The following TTLL5 variants were observed in gnomAD, a reference collection of about 807,000 sequenced individuals.
The protein encoded by TTLL5 is tubulin polyglutamylase TTLL5.
Under a neutral mutation model 168.4 loss-of-function variants are expected in TTLL5, and 132 were observed. That is an observed-to-expected ratio of 0.78 (90% confidence interval 0.68 to 0.91). The LOEUF (loss-of-function observed/expected upper bound fraction) is 0.91. TTLL5 is among the 40% of genes least tolerant of loss of function. The pLI, the probability that TTLL5 is intolerant of heterozygous loss-of-function variation, is 0.00. For missense variants in TTLL5, 1,545 were observed against 1,581.5 expected (o/e 0.98, Z 0.39); for synonymous variants, 546 against 558.6 (o/e 0.98, Z 0.32).
At chr14:75,683,946 GTA>G (rs1393636090) in intron 5 of TTLL5, 13 of 273,642 alleles carry the variant, frequency 4.8e-5, no homozygotes, top group South Asian at 3.2e-4. Context: ...GCTAATTTTT[GTA>G]TCTTTGGGAG....
At chr14:75,794,808 G>C (rs1892913669) in intron 27 of TTLL5, among the ~76,000 whole-genome samples, 1 of 152,218 alleles carries the variant, frequency 6.6e-6, no homozygotes, top group South Asian at 2.1e-4. Flanking sequence ...TAGCCATCCA[G>C]AGACTTGCCA....
chr14:75,700,638 G>C (rs1886202682), intron 7 of TTLL5, among the ~76,000 whole-genome samples: 2 of 152,082 alleles, frequency 1.3e-5, no homozygotes, highest in African/African-American at 4.8e-5. Flanking sequence ...CAGGCACTTG[G>C]GTCTCTCAAG....
At chr14:75,931,363 C>T (rs191162638) in intron 31 of TTLL5, among the ~76,000 whole-genome samples, 1 of 152,310 alleles carries the variant, frequency 6.6e-6, no homozygotes, top group East Asian at 1.9e-4. Context: ...AACTGAGAGG[C>T]ATGTGAGCTC....
chr14:75,949,961 T>G, intron 31 of TTLL5, among the ~76,000 whole-genome samples: 1 of 152,158 alleles, frequency 6.6e-6, no homozygotes, highest in Non-Finnish European at 1.5e-5. Flanking sequence ...TTTTTGAAAT[T>G]TATATGAAAG....
chr14:75,914,844 C>T (rs1438449776), intron 31 of TTLL5, among the ~76,000 whole-genome samples: 2 of 152,074 alleles, frequency 1.3e-5, no homozygotes, highest in Non-Finnish European at 2.9e-5. Flanking sequence ...AGGATGGTCT[C>T]GATCTCCTGA....
At chr14:75,794,448 T>TAAAAAA (rs5809728) in intron 27 of TTLL5, among the ~76,000 whole-genome samples, 1 of 142,012 alleles carries the variant, frequency 7.0e-6, no homozygotes, top group Non-Finnish European at 1.5e-5. Context: ...GTGATTGTAG[T>TAAAAAA]AAAAAAAAAA....
intron 7 of TTLL5, among the ~76,000 whole-genome samples, chr14:75,705,016 A>G (rs957369096): frequency 2.6e-5 from 4 of 152,238 alleles, no homozygotes; most frequent in African/African-American, 9.6e-5. Context: ...GGTTCTACTC[A>G]GTAGGAAGAG....
intron 31 of TTLL5, among the ~76,000 whole-genome samples, chr14:75,925,613 G>T (rs2034022245): frequency 6.6e-6 from 1 of 151,804 alleles, no homozygotes; most frequent in African/African-American, 2.4e-5. Flanking sequence ...ACGATGGGCG[G>T]CCAGGCAGAG....
chr14:75,725,662 C>T (rs1888147470), intron 12 of TTLL5, among the ~76,000 whole-genome samples: 1 of 152,156 alleles, frequency 6.6e-6, no homozygotes, highest in African/African-American at 2.4e-5. Flanking sequence ...AGTCCGGCCA[C>T]TTTTGGCATG....
chr14:75,864,016 G>A (rs1326414089), intron 29 of TTLL5, among the ~76,000 whole-genome samples, 154 bp downstream of exon 29: 1 of 150,756 alleles, frequency 6.6e-6, no homozygotes, highest in Non-Finnish European at 1.5e-5. Flanking sequence ...GTCTACTCTT[G>A]AGGAAAAACT....
chr14:75,745,808 T>TA (rs1889572656), intron 17 of TTLL5, among the ~76,000 whole-genome samples: 1 of 152,146 alleles, frequency 6.6e-6, no homozygotes, highest in African/African-American at 2.4e-5. Context: ...ACTAGCTTCC[T>TA]ATCCCAGGGT....
At chr14:75,760,965 T>C (rs1188551976) in intron 18 of TTLL5, among the ~76,000 whole-genome samples, 1 of 152,050 alleles carries the variant, frequency 6.6e-6, no homozygotes, top group Non-Finnish European at 1.5e-5. Flanking sequence ...ACTGACTGAG[T>C]GGAAATATGC....
chr14:75,880,136 TAGG>T (rs2140014997), intron 29 of TTLL5, among the ~76,000 whole-genome samples: 1 of 152,088 alleles, frequency 6.6e-6, no homozygotes, highest in Non-Finnish European at 1.5e-5. Context: ...GTGCAGATAC[TAGG>T]AGAGAGAGAG....
At chr14:75,877,435 T>C in intron 29 of TTLL5, among the ~76,000 whole-genome samples, 1 of 152,220 alleles carries the variant, frequency 6.6e-6, no homozygotes, top group Admixed American at 6.5e-5. Context: ...CCTTCTGTTG[T>C]GGGAGAAGGA....
At chr14:75,794,945 T>G (rs1243048996) in intron 27 of TTLL5, among the ~76,000 whole-genome samples, 1 of 152,176 alleles carries the variant, frequency 6.6e-6, no homozygotes, top group African/African-American at 2.4e-5. Context: ...CAGTTCACTC[T>G]ACTCTTCTGA....
rs767719777 is a variant in TTLL5 at position 75,902,151 on chromosome 14, C to T, written c.3750C>T (p.Ser1250=). The change falls in exon 31 of 32, where the codon TCC becomes TCT. Residue 1250 remains serine (S), a synonymous_variant. Transcript: ENST00000298832. ...ATSQKASKGS[S]AEGQLNGLQS... The stretch of plus-strand genomic sequence containing the variant: ...CTCCTTTGTGTTTCAGAGGGTCCTC[C>T]GCGGAAGGGCAGCTGAATGGACTCC... 1.4e-5 allele frequency: 23 copies of T among 1,613,998 alleles called. No individual in the cohort carries two copies. In the Middle Eastern group the frequency reaches 4.9e-4, roughly 35 times the overall value.
intron 28 of TTLL5, chr14:75,835,544 G>C (rs988890510): frequency 1.3e-5 from 2 of 152,118 alleles, no homozygotes; most frequent in African/African-American, 4.8e-5. Context: ...CATGTGACAG[G>C]AGCCAACCAG....
intron 7 of TTLL5, among the ~76,000 whole-genome samples, chr14:75,702,897 A>G (rs949554434): frequency 1.3e-5 from 2 of 152,206 alleles, no homozygotes; most frequent in Admixed American, 1.3e-4. Flanking sequence ...AGCTGGCAAC[A>G]TGCGGACATA....
chr14:75,689,436 A>G (rs1885292290), intron 5 of TTLL5: 1 of 152,256 alleles, frequency 6.6e-6, no homozygotes, highest in South Asian at 2.1e-4. Context: ...TAAATAACTA[A>G]AACAACTTAC....
Sources: gnomAD v4.1 joint callset for allele counts (sites outside exome capture counted in the v4.1 genomes callset) on GRCh38, gnomAD v4.1.1 for gene constraint, MANE v1.5 for transcripts, NCBI Gene and HGNC (gene_info 2026-07-23, HGNC 2026-07-21) for gene names.